The following RANBP2 variants were observed in gnomAD, a reference collection of about 807,000 sequenced individuals.
The protein encoded by RANBP2 is RAN binding protein 2.
Under a neutral mutation model 303.6 loss-of-function variants are expected in RANBP2, and 57 were observed. The ratio of observed to expected loss-of-function variants is 0.19; its 90% CI spans 0.15 to 0.23. The LOEUF is 0.23. Among genes scored for constraint, RANBP2 ranks in the 10% least tolerant of loss-of-function variants. RANBP2 has a pLI of 1.00. For missense variants in RANBP2, 3,138 were observed against 3,780.8 expected (o/e 0.83, Z 4.46); for synonymous variants, 1,167 against 1,301.5 (o/e 0.90, Z 2.23).
chr2:109,251,906 C>T, the RANBP2 span, among the ~76,000 whole-genome samples: 5 of 152,090 alleles, frequency 3.3e-5, no homozygotes, highest in Admixed American at 3.3e-4. Context: ...GAGTTCTCAA[C>T]CTTATGTTCT....
the RANBP2 span, among the ~76,000 whole-genome samples, chr2:108,837,606 CAT>C: frequency 8.3e-4 from 126 of 152,322 alleles, no homozygotes; most frequent in Middle Eastern, 6.8e-3. Flanking sequence ...ACATTACTCA[CAT>C]GTTTGTGGTG....
chr2:108,947,524 A>AT, the RANBP2 span, among the ~76,000 whole-genome samples: 118 of 152,260 alleles, frequency 7.7e-4, no homozygotes, highest in African/African-American at 2.7e-3. Flanking sequence ...ACATCCAGGC[A>AT]TTTTCATACA....
chr2:108,786,172 A>C (rs916571862), downstream of RANBP2, among the ~76,000 whole-genome samples: 112 of 150,870 alleles, frequency 7.4e-4, no homozygotes, highest in African/African-American at 2.6e-3. Flanking sequence ...CATTCTAACT[A>C]TTCTTTTTAA....
the RANBP2 span, among the ~76,000 whole-genome samples, chr2:109,068,546 A>G: frequency 6.6e-6 from 1 of 152,186 alleles, no homozygotes; most frequent in African/African-American, 2.4e-5. Context: ...AGCACTGGGG[A>G]AATGTTGGTC....
chr2:108,877,913 C>T, the RANBP2 span, among the ~76,000 whole-genome samples: 12 of 152,220 alleles, frequency 7.9e-5, no homozygotes, highest in African/African-American at 2.6e-4. Context: ...CCAGACTAGC[C>T]TTATAGAATG....
chr2:109,626,773 C>T, the RANBP2 span, among the ~76,000 whole-genome samples: 1 of 152,200 alleles, frequency 6.6e-6, no homozygotes, highest in Non-Finnish European at 1.5e-5. Context: ...AGCTGCCTTG[C>T]AGATGAGGAA....
intron 9 of RANBP2, among the ~76,000 whole-genome samples, chr2:108,750,702 C>T (rs917192592): frequency 1.3e-5 from 2 of 152,010 alleles, no homozygotes; most frequent in Non-Finnish European, 2.9e-5. Context: ...ATTGTCTTGC[C>T]TCAGCCTCCC....
the RANBP2 span, among the ~76,000 whole-genome samples, chr2:109,593,325 T>A: frequency 6.6e-6 from 1 of 152,040 alleles, no homozygotes; most frequent in African/African-American, 2.4e-5. Flanking sequence ...ACATATAATA[T>A]TCAACATATA....
chr2:109,537,498 C>T, the RANBP2 span, among the ~76,000 whole-genome samples: 4 of 152,050 alleles, frequency 2.6e-5, no homozygotes, highest in Admixed American at 2.6e-4. Context: ...ACTATAAATA[C>T]CCTTTCTCAA....
the RANBP2 span, among the ~76,000 whole-genome samples, chr2:108,804,587 T>G: frequency 6.6e-6 from 1 of 152,204 alleles, no homozygotes; most frequent in Non-Finnish European, 1.5e-5. Context: ...AGAAAATATT[T>G]CCATGAGTTT....
rs564073939 is a variant in RANBP2 at position 108,767,685 on chromosome 2, C to G, written c.7146C>G (p.Ala2382=). The G allele has an allele frequency of 6.2e-7, 1 of 1,611,786 alleles. No individual in the cohort carries two copies. The highest frequency in any genetic ancestry group is 8.5e-7 in the Non-Finnish European group (1 of 1,179,846). Residue 2382 remains alanine, a synonymous_variant, in exon 20 of 29, where the codon GCC becomes GCG. Coordinates refer to ENST00000283195, the MANE Select transcript of RANBP2 (RefSeq NM_006267.5). The part of the protein sequence containing the change: ...MRRDQVLKLC[A]NHRITPDMTL... Reference sequence around the variant, plus strand: ...GGGACCAAGTATTAAAACTTTGTGCCAATCACAGAATAACTCCAGACATGA... The same window carrying G: ...GGGACCAAGTATTAAAACTTTGTGCGAATCACAGAATAACTCCAGACATGA...
At chr2:109,732,378 G>T in the RANBP2 span, among the ~76,000 whole-genome samples, 5 of 152,140 alleles carry the variant, frequency 3.3e-5, no homozygotes, top group African/African-American at 1.2e-4. Flanking sequence ...CCCTGGGAAT[G>T]CGCACAAGCC....
the RANBP2 span, among the ~76,000 whole-genome samples, chr2:109,240,892 GTCTC>G: frequency 8.1e-6 from 1 of 122,986 alleles, no homozygotes; most frequent in African/African-American, 3.3e-5. Context: ...CTCTCTCTCT[GTCTC>G]TCTGTCTTGC....
chr2:109,639,846 G>A, the RANBP2 span, among the ~76,000 whole-genome samples: 20 of 151,252 alleles, frequency 1.3e-4, no homozygotes, highest in Non-Finnish European at 2.5e-4. Flanking sequence ...GAGTAGCTGC[G>A]ATTACAGGCG....
chr2:109,295,592 A>G, the RANBP2 span, among the ~76,000 whole-genome samples: 1 of 152,174 alleles, frequency 6.6e-6, no homozygotes, highest in Non-Finnish European at 1.5e-5. Context: ...GATCCCAGCC[A>G]CATGCTTGTA....
the RANBP2 span, among the ~76,000 whole-genome samples, chr2:108,942,092 T>C: frequency 6.6e-6 from 1 of 152,204 alleles, no homozygotes; most frequent in Non-Finnish European, 1.5e-5. Context: ...CCTGCAGGTG[T>C]GTGTGCTGGG....
At chr2:108,871,370 TAAAAAAAAAAAAAA>T in the RANBP2 span, among the ~76,000 whole-genome samples, 9 of 76,648 alleles carry the variant, frequency 1.2e-4, no homozygotes, top group East Asian at 3.6e-3. Context: ...CCAACTCTAT[TAAAAAAAAAAAAAA>T]AAAAAAAAAA....
At chr2:108,940,682 G>A in the RANBP2 span, among the ~76,000 whole-genome samples, 2 of 152,334 alleles carry the variant, frequency 1.3e-5, no homozygotes, top group East Asian at 1.9e-4. Context: ...AAGACCAAGC[G>A]CAATTACAAC....
chr2:109,447,832 A>G, the RANBP2 span, among the ~76,000 whole-genome samples: 3 of 152,208 alleles, frequency 2.0e-5, no homozygotes, highest in African/African-American at 4.8e-5. Context: ...ACAACTTGCA[A>G]TCCCTAACAT....
Sources: gnomAD v4.1 joint callset for allele counts (sites outside exome capture counted in the v4.1 genomes callset) on GRCh38, gnomAD v4.1.1 for gene constraint, MANE v1.5 for transcripts, NCBI Gene and HGNC (gene_info 2026-07-23, HGNC 2026-07-21) for gene names.